FXYD6: variants seen among roughly 807,000 people sequenced by gnomAD.
FXYD6 encodes the protein FXYD domain-containing ion transport regulator 6.
FXYD6 carries 7 observed loss-of-function variants against 16.7 expected under a neutral mutation model. That is an observed-to-expected ratio of 0.42 (90% CI 0.24 to 0.79). The LOEUF is 0.79. FXYD6 is among the 30% of genes least tolerant of loss of function. The pLI is 0.28. For synonymous variants in FXYD6, 49 were observed against 43.0 expected (o/e 1.14, Z -0.54); for missense variants, 111 against 116.2 (o/e 0.95, Z 0.21).
Position 117,841,032 on chromosome 11 carries a change from G to A in FXYD6, c.209+116C>T, listed in dbSNP as rs538579562. On this transcript the variant is annotated intron_variant, in intron 5 of 7. Transcript: ENST00000526014. ...TCCAGCCCTACGTCCCAACACACAC[G>A]TTCTGCCTCCGAGACAAGAATCCAA... The A allele has an allele frequency of 4.1e-5, 56 of 1,364,168 alleles. No homozygotes were observed. The Admixed American group carries it at 4.2e-4, about 10-fold the overall frequency. 84.5% of individuals were successfully genotyped at this position (1,364,168 alleles called of 1,614,324 possible).
intron 1 of FXYD6, 74 bp from the exon 2 acceptor site, chr11:117,842,855 A>T: frequency 6.7e-7 from 1 of 1,493,050 alleles, no homozygotes; most frequent in African/African-American, 1.4e-5. Context: ...CGTCAGCCTG[A>T]CCAGGGGCCA....
chr11:117,842,838 C>T, intron 1 of FXYD6, 57 bp from the exon 2 acceptor site: 3 of 1,538,832 alleles, frequency 1.9e-6, no homozygotes, highest in Non-Finnish European at 2.6e-6. Flanking sequence ...CATCCGTCAG[C>T]TCCAAGCGTC....
chr11:117,839,024 G>A (rs1424286696), intron 7 of FXYD6: 2 of 153,214 alleles, frequency 1.3e-5, no homozygotes, highest in African/African-American at 4.8e-5. Context: ...GGATATTCCA[G>A]GGCATGTCAT....
intron 1 of FXYD6, among the ~76,000 whole-genome samples, chr11:117,855,990 TC>T (rs964038146): frequency 6.6e-6 from 1 of 152,148 alleles, no homozygotes; most frequent in African/African-American, 2.4e-5. Context: ...CTGTTTCCGC[TC>T]ATTTTTCCTC....
chr11:117,869,605 G>T (rs541400666), intron 1 of FXYD6, among the ~76,000 whole-genome samples: 1 of 152,192 alleles, frequency 6.6e-6, no homozygotes, highest in South Asian at 2.1e-4. Flanking sequence ...TAACCTGGAG[G>T]CACCTTTATC....
intron 1 of FXYD6, among the ~76,000 whole-genome samples, chr11:117,858,803 C>T (rs2056835981): frequency 7.9e-6 from 1 of 126,316 alleles, no homozygotes; most frequent in Non-Finnish European, 1.7e-5. Flanking sequence ...TTTAGACAGT[C>T]TCGCTCTGTC....
At chr11:117,845,695 C>A (rs951166916) in intron 1 of FXYD6, among the ~76,000 whole-genome samples, 1 of 152,210 alleles carries the variant, frequency 6.6e-6, no homozygotes, top group Non-Finnish European at 1.5e-5. Flanking sequence ...TTTGTGCATA[C>A]TGCTCAGGGC....
At chr11:117,868,640 A>C (rs1328275406) in intron 1 of FXYD6, among the ~76,000 whole-genome samples, 1 of 152,180 alleles carries the variant, frequency 6.6e-6, no homozygotes, top group East Asian at 1.9e-4. Flanking sequence ...ACATTTTAAT[A>C]AAGTGTCAAT....
chr11:117,865,590 T>C (rs1411419170), intron 1 of FXYD6, among the ~76,000 whole-genome samples: 1 of 152,174 alleles, frequency 6.6e-6, no homozygotes, highest in Non-Finnish European at 1.5e-5. Context: ...AGCTGTGAGA[T>C]GGACAGAGGC....
rs73586978 is a variant in FXYD6 at position 117,868,162 on chromosome 11, T to C, written c.-6+8430A>G. ...TCGGAAAAGTCTCTGTGCTACCCCA[T>C]GATCTGTCCTCACCTGGGATGGTGA... On this transcript the variant is annotated intron_variant, in intron 1 of 7. Coordinates refer to ENST00000526014, the MANE Select transcript of FXYD6 (RefSeq NM_022003.4). Among the ~76,000 whole-genome samples, 998 of 152,298 alleles carry C rather than the reference T, an allele frequency of 6.6e-3. 10 individuals are homozygous for C. The highest frequency in any genetic ancestry group is 0.023 in the African/African-American group (965 of 41,568).
intron 1 of FXYD6, among the ~76,000 whole-genome samples, chr11:117,873,314 C>T (rs2057179857): frequency 6.6e-6 from 1 of 152,190 alleles, no homozygotes; most frequent in Admixed American, 6.5e-5. Context: ...ATTGTATAAT[C>T]CACACAAATT....
intron 1 of FXYD6, among the ~76,000 whole-genome samples, chr11:117,857,021 G>C (rs894404290): frequency 3.3e-5 from 5 of 152,130 alleles, no homozygotes; most frequent in Non-Finnish European, 5.9e-5. Flanking sequence ...AAAGGGAAGG[G>C]GGGTAGCCTG....
At chr11:117,858,509 C>A (rs1205215219) in intron 1 of FXYD6, among the ~76,000 whole-genome samples, 1 of 152,050 alleles carries the variant, frequency 6.6e-6, no homozygotes, top group Non-Finnish European at 1.5e-5. Context: ...AGCCTCACAC[C>A]CCCAACTTTG....
chr11:117,843,776 C>A lies in FXYD6; in HGVS notation c.-5-995G>T, dbSNP rs374328008. The A allele has an allele frequency of 4.6e-5, 7 of 152,240 alleles. No homozygotes were observed. The East Asian group carries it at 9.6e-4, about 21-fold the overall frequency. 9.4% of individuals were successfully genotyped at this position (152,240 alleles called of 1,614,324 possible). The stretch of plus-strand genomic sequence containing the variant: ...GGTTCCACGAGCCTCAGCACCCCAG[C>A]CTCTGCTTCCCCAGAGGATGCGGAG... On this transcript the variant is annotated intron_variant, in intron 1 of 7. Transcript: ENST00000526014.
In FXYD6 at chr11:117,849,743, G is replaced by A. The variant is rs189984457; in HGVS notation, c.-5-6962C>T. ...TCCTTTTTCCATGAAGCTGAAGGCC[G>A]TGGTAGCTGAAGGCCTCGGTAGCTG... On this transcript the variant is annotated intron_variant, in intron 1 of 7. Transcript: ENST00000526014. Among the ~76,000 whole-genome samples the A allele has an allele frequency of 2.2e-3, 333 of 151,908 alleles. 8 individuals carry two copies. In the South Asian group the frequency reaches 0.063, roughly 29 times the overall value.
At chr11:117,841,707 A>ATCC in intron 4 of FXYD6, 84 bp downstream of exon 4, 2 of 1,526,382 alleles carry the variant, frequency 1.3e-6, no homozygotes, top group East Asian at 2.3e-5. Flanking sequence ...CAGGAGAGGG[A>ATCC]CCAACCAGGC....
chr11:117,866,315 T>C (rs1402361709), intron 1 of FXYD6, among the ~76,000 whole-genome samples: 3 of 151,682 alleles, frequency 2.0e-5, no homozygotes, highest in African/African-American at 7.3e-5. Flanking sequence ...TATTTTACCA[T>C]ACTAAAAAAA....
intron 1 of FXYD6, among the ~76,000 whole-genome samples, chr11:117,867,358 G>A (rs1267633663): frequency 6.6e-6 from 1 of 152,124 alleles, no homozygotes; most frequent in African/African-American, 2.4e-5. Context: ...TCTCCACACT[G>A]CATCTGTGGC....
intron 1 of FXYD6, among the ~76,000 whole-genome samples, chr11:117,859,574 A>C (rs1380914508): frequency 6.6e-6 from 1 of 152,168 alleles, no homozygotes; most frequent in African/African-American, 2.4e-5. Flanking sequence ...GCTTATTCTC[A>C]CTTAATCCTT....
Sources: gnomAD v4.1 joint callset for allele counts (sites outside exome capture counted in the v4.1 genomes callset) on GRCh38, gnomAD v4.1.1 for gene constraint, MANE v1.5 for transcripts, NCBI Gene and HGNC (gene_info 2026-07-23, HGNC 2026-07-21) for gene names.